PRPSAP2: variants seen among roughly 807,000 people sequenced by gnomAD.
PRPSAP2 encodes phosphoribosyl pyrophosphate synthase-associated protein 2.
PRPSAP2 carries 24 observed loss-of-function variants against 40.6 expected under a neutral mutation model. The ratio of observed to expected loss-of-function variants is 0.59; its 90% CI spans 0.43 to 0.83. PRPSAP2 has a LOEUF of 0.83. Among genes scored for constraint, PRPSAP2 ranks in the 40% least tolerant of loss-of-function variants. PRPSAP2 has a pLI of 0.00. For missense variants in PRPSAP2, 292 were observed against 465.6 expected (o/e 0.63, Z 3.43); for synonymous variants, 149 against 164.7 (o/e 0.90, Z 0.73).
intron 1 of PRPSAP2, 26 bp downstream of exon 1, chr17:18,858,287 G>C (rs1469099552): frequency 6.6e-6 from 1 of 152,456 alleles, no homozygotes; most frequent in Non-Finnish European, 1.5e-5. Context: ...CCAGTGGCGA[G>C]CGGCAGCGAG....
At chr17:18,926,938 A>G (rs919746055) in intron 10 of PRPSAP2, among the ~76,000 whole-genome samples, 3 of 152,170 alleles carry the variant, frequency 2.0e-5, no homozygotes, top group Admixed American at 1.3e-4. Flanking sequence ...TTCCCACCCA[A>G]TCTGCAACCC....
chr17:18,899,787 A>G (rs1161184181), intron 8 of PRPSAP2, among the ~76,000 whole-genome samples: 1 of 151,662 alleles, frequency 6.6e-6, no homozygotes, highest in South Asian at 2.1e-4. Context: ...TGCCCACCTC[A>G]GCTTCTCTAA....
At chr17:18,875,972 A>G (rs902833157) in intron 5 of PRPSAP2, among the ~76,000 whole-genome samples, 4 of 152,112 alleles carry the variant, frequency 2.6e-5, no homozygotes, top group African/African-American at 9.7e-5. Context: ...TCTCTCTGCT[A>G]AAAATGCAAA....
chr17:18,924,987 G>A (rs756716148), intron 10 of PRPSAP2, among the ~76,000 whole-genome samples: 1 of 152,014 alleles, frequency 6.6e-6, no homozygotes, highest in Non-Finnish European at 1.5e-5. Flanking sequence ...GGACATGTTG[G>A]CGCACACCTG....
upstream of PRPSAP2, chr17:18,856,456 G>GGTCT (rs1464615466): frequency 6.6e-6 from 1 of 152,124 alleles, no homozygotes; most frequent in East Asian, 1.9e-4. Context: ...TGGGCTCATG[G>GGTCT]GTCTTGCTCT....
intron 6 of PRPSAP2, among the ~76,000 whole-genome samples, chr17:18,879,195 T>C (rs990970049): frequency 6.6e-6 from 1 of 152,196 alleles, no homozygotes; most frequent in South Asian, 2.1e-4. Context: ...TTAGAAGGTA[T>C]GTATCACGGA....
chr17:18,896,209 A>G (rs770910727), intron 8 of PRPSAP2, among the ~76,000 whole-genome samples: 2 of 152,090 alleles, frequency 1.3e-5, no homozygotes, highest in Non-Finnish European at 2.9e-5. Flanking sequence ...TTTCTGTGAT[A>G]TGTTTGTTTA....
chr17:18,879,173 A>G (rs950402487), intron 6 of PRPSAP2, among the ~76,000 whole-genome samples: 4 of 152,184 alleles, frequency 2.6e-5, no homozygotes, highest in African/African-American at 7.2e-5. Flanking sequence ...GCCAGCCTGA[A>G]TGTATATGAT....
chr17:18,908,680 G>C, intron 8 of PRPSAP2: 1 of 723,044 alleles, frequency 1.4e-6, no homozygotes. Context: ...AGAGCTGCTG[G>C]CCATCCACTT....
chr17:18,919,542 C>T (rs905757793), intron 9 of PRPSAP2, among the ~76,000 whole-genome samples: 1 of 151,356 alleles, frequency 6.6e-6, no homozygotes, highest in Non-Finnish European at 1.5e-5. Context: ...TGGTGGTGTG[C>T]CTGTAATCCC....
chr17:18,867,303 C>G lies in PRPSAP2; in HGVS notation c.141C>G (p.Gly47=), dbSNP rs2037504465. Residue 47 remains glycine (G), a synonymous_variant, in exon 4 of 12, where the codon GGC becomes GGG. Coordinates refer to ENST00000268835, the MANE Select transcript of PRPSAP2 (RefSeq NM_002767.4). ...CTAGGCGGCTAGGGGTGGAGATGGG[C>G]AAAGTGCAGGTTTACCAGGAACCTA... is the stretch of plus-strand genomic sequence containing the variant. ...KIAERLGVEM[G]KVQVYQEPNR... 3.7e-6 allele frequency: 6 copies of G among 1,613,886 alleles called. No homozygotes were observed. In the South Asian group the frequency reaches 6.6e-5, roughly 18 times the overall value.
chr17:18,872,432 T>C (rs2037959913), intron 4 of PRPSAP2, 151 bp from the exon 5 acceptor site: 1 of 620,930 alleles, frequency 1.6e-6, no homozygotes, highest in East Asian at 2.7e-5. Flanking sequence ...GTATGTGTAT[T>C]ATCCCTTGTA....
chr17:18,881,813 G>A (rs68046274), intron 6 of PRPSAP2, among the ~76,000 whole-genome samples: 79,483 of 150,398 alleles, frequency 0.53, 21,332 homozygotes, highest in Middle Eastern at 0.59. Context: ...GATTACAGGC[G>A]TGAGCCACTG....
rs374615280 is a variant in PRPSAP2 at position 18,889,896 on chromosome 17, A to G, written c.584+19A>G. On this transcript the variant is annotated intron_variant, in intron 8 of 11. Transcript: ENST00000268835. ...CGAAGAGGTAGGTGGGAATCTCACAACCTCTTTCTGGATCTACTTCTAAGG... is the reference window on the plus strand; with the variant it reads ...CGAAGAGGTAGGTGGGAATCTCACAGCCTCTTTCTGGATCTACTTCTAAGG... 30 of 1,604,906 alleles carry G rather than the reference A, an allele frequency of 1.9e-5. No homozygotes were observed. The African/African-American group carries it at 4.0e-4, about 22-fold the overall frequency.
chr17:18,867,876 C>A (rs946254628), intron 4 of PRPSAP2, among the ~76,000 whole-genome samples: 13 of 152,158 alleles, frequency 8.5e-5, no homozygotes, highest in Non-Finnish European at 1.2e-4. Flanking sequence ...CTGGCTCATG[C>A]ATCTAATGCC....
At chr17:18,872,190 A>G (rs1345483596) in intron 4 of PRPSAP2, among the ~76,000 whole-genome samples, 2 of 151,628 alleles carry the variant, frequency 1.3e-5, no homozygotes, top group Non-Finnish European at 2.9e-5. Flanking sequence ...GGAGAATGGC[A>G]TGAACCCAGG....
upstream of PRPSAP2, among the ~76,000 whole-genome samples, chr17:18,857,601 A>C (rs1321245119): frequency 3.7e-4 from 47 of 126,670 alleles, no homozygotes; most frequent in African/African-American, 1.3e-3. Context: ...TTGTATTTTT[A>C]GTAGAGATGG....
At chr17:18,871,481 G>A (rs185305420) in intron 4 of PRPSAP2, among the ~76,000 whole-genome samples, 1 of 152,012 alleles carries the variant, frequency 6.6e-6, no homozygotes, top group Non-Finnish European at 1.5e-5. Flanking sequence ...AGGTTGTCTT[G>A]TAGAATGTCC....
At chr17:18,889,762 T>A in intron 7 of PRPSAP2, 60 bp from the exon 8 acceptor site, 1 of 1,352,004 alleles carries the variant, frequency 7.4e-7, no homozygotes, top group Non-Finnish European at 1.0e-6. Context: ...CATTTTTGGG[T>A]CTGTTGGAAT....
Sources: gnomAD v4.1 joint callset for allele counts (sites outside exome capture counted in the v4.1 genomes callset) on GRCh38, gnomAD v4.1.1 for gene constraint, MANE v1.5 for transcripts, NCBI Gene and HGNC (gene_info 2026-07-23, HGNC 2026-07-21) for gene names.